Variants in SLC39A8 observed in about 807,000 individuals in gnomAD.
SLC39A8 encodes metal cation symporter ZIP8.
A neutral mutation model predicts 40.4 loss-of-function variants in SLC39A8; 15 were observed. The ratio of observed to expected loss-of-function variants is 0.37; its 90% CI spans 0.25 to 0.57. The LOEUF is 0.57. Ranked by LOEUF, SLC39A8 falls within the 20% of genes least tolerant of loss-of-function variation. The probability of loss-of-function intolerance (pLI) is 0.75; values close to 1 mark genes in which losing one functional copy is unlikely to be tolerated. For synonymous variants in SLC39A8, 223 were observed against 221.6 expected, an observed-to-expected ratio of 1.01 and a Z score of -0.06; for missense variants, 472 against 558.8, an observed-to-expected ratio of 0.84 and a Z score of 1.57.
chr4:102,301,079 G>C (rs1027527881), intron 6 of SLC39A8, among the ~76,000 whole-genome samples: 1 of 151,948 alleles, frequency 6.6e-6, no homozygotes, highest in Non-Finnish European at 1.5e-5. Context: ...ACCCTGGCAC[G>C]CACCTTCTCT....
At chr4:102,306,196 T>A (rs140321590) in intron 4 of SLC39A8, among the ~76,000 whole-genome samples, 73 of 152,132 alleles carry the variant, frequency 4.8e-4, no homozygotes, top group South Asian at 1.2e-3. Flanking sequence ...CTTAACATCA[T>A]CAATGTAGAG....
At chr4:102,308,662 CAG>C (rs1212998947) in intron 3 of SLC39A8, among the ~76,000 whole-genome samples, 2 of 152,056 alleles carry the variant, frequency 1.3e-5, no homozygotes, top group African/African-American at 4.8e-5. Flanking sequence ...TACAGTGTGA[CAG>C]AGGAGAAAGC....
intron 2 of SLC39A8, among the ~76,000 whole-genome samples, chr4:102,327,596 AATGTGTGCTT>A (rs1246040211): frequency 3.3e-5 from 5 of 152,206 alleles, no homozygotes; most frequent in Non-Finnish European, 5.9e-5. Flanking sequence ...TTTAGCACTT[AATGTGTGCTT>A]CCATGTATTA....
In SLC39A8 at chr4:102,304,302, G is replaced by T. The variant is rs753522816; in HGVS notation, c.840+15C>A. ...GAATGCAGTATAATGAAGGAAAAAT[G>T]GAATTAACATATACCTGTAGAGATA... On this transcript the variant is annotated intron_variant, in intron 6 of 8. Transcript: ENST00000356736. The T allele has an allele frequency of 1.3e-6, 2 of 1,596,428 alleles. No individual in the cohort carries two copies. Among genetic ancestry groups the T allele is most frequent in the South Asian group, 1.1e-5 (1 of 89,960 alleles).
exon 12 of SLC39A8, chr4:102,253,315 C>T (rs923219452): frequency 1.8e-5 from 11 of 602,528 alleles, no homozygotes; most frequent in South Asian, 4.5e-5. Flanking sequence ...CACAGCATCA[C>T]GTCTCAATGG....
intron 6 of SLC39A8, among the ~76,000 whole-genome samples, chr4:102,279,164 T>A (rs1379622045): frequency 6.6e-6 from 1 of 151,818 alleles, no homozygotes; most frequent in African/African-American, 2.4e-5. Context: ...AAAAAAGAAT[T>A]CTTGCCTCCT....
chr4:102,338,162 C>G (rs924550085), intron 2 of SLC39A8, among the ~76,000 whole-genome samples: 37 of 149,944 alleles, frequency 2.5e-4, no homozygotes, highest in Non-Finnish European at 5.9e-5. Flanking sequence ...TCCATAGTCA[C>G]TTTTCACAGT....
At chr4:102,310,495 A>G (rs914243940) in intron 3 of SLC39A8, among the ~76,000 whole-genome samples, 1 of 152,136 alleles carries the variant, frequency 6.6e-6, no homozygotes, top group Non-Finnish European at 1.5e-5. Flanking sequence ...CCCCATTTCA[A>G]GGTGCAGCAG....
At chr4:102,277,539 A>G (rs1232931429) in intron 6 of SLC39A8, among the ~76,000 whole-genome samples, 16 of 152,240 alleles carry the variant, frequency 1.1e-4, no homozygotes, top group African/African-American at 3.6e-4. Context: ...AAAAGAATCA[A>G]TATCATGAAA....
At chr4:102,334,306 G>A (rs954932533) in intron 2 of SLC39A8, among the ~76,000 whole-genome samples, 2 of 152,176 alleles carry the variant, frequency 1.3e-5, no homozygotes, top group African/African-American at 4.8e-5. Flanking sequence ...TGGTCTCCCA[G>A]AAAAATCTGG....
chr4:102,300,847 A>G (rs1733894864), intron 6 of SLC39A8, among the ~76,000 whole-genome samples: 2 of 152,052 alleles, frequency 1.3e-5, no homozygotes, highest in South Asian at 4.1e-4. Flanking sequence ...ATATTGTAAT[A>G]CTTACTCTCT....
chr4:102,283,360 T>C (rs796491785), intron 6 of SLC39A8, among the ~76,000 whole-genome samples: 5 of 152,330 alleles, frequency 3.3e-5, no homozygotes, highest in African/African-American at 7.2e-5. Flanking sequence ...CTCAAGAGAA[T>C]TGAGTTTTTC....
At chr4:102,328,825 A>AC (rs1735327432) in intron 2 of SLC39A8, among the ~76,000 whole-genome samples, 1 of 152,094 alleles carries the variant, frequency 6.6e-6, no homozygotes, top group Non-Finnish European at 1.5e-5. Flanking sequence ...GGAGATCGAG[A>AC]CCATCCTGGT....
Position 102,264,974 on chromosome 4 carries a change from A to C in SLC39A8, c.1234-1781T>G, listed in dbSNP as rs528293460. ...CTGGTTTGATCTTTCTATCCATACC[A>C]CGTAAATTTTATTCATGTCAGCAAT... On this transcript the variant is annotated intron_variant, in intron 8 of 8. Coordinates refer to ENST00000356736, the MANE Select transcript of SLC39A8 (RefSeq NM_001135146.2). Among the ~76,000 whole-genome samples the C allele has an allele frequency of 1.4e-3, 216 of 152,320 alleles. 1 individual carries two copies. The highest frequency in any genetic ancestry group is 2.3e-3 in the Admixed American group (35 of 15,298).
Position 102,344,814 on chromosome 4 carries a change from C to G in SLC39A8, c.-152G>C. 1 of 1,320,598 alleles carries G rather than the reference C, an allele frequency of 7.6e-7. No individual in the cohort carries two copies. The allele number at this position is 1,320,598 out of a possible 1,614,324, so 81.8% of individuals were successfully genotyped here. The stretch of plus-strand genomic sequence containing the variant: ...GCGCGGGACGCCCCTGGTTCTCCGA[C>G]GCCTTCGAAAGAACAGCAGCTCGCG... On this transcript the variant is annotated 5_prime_UTR_variant, in exon 2 of 9. Coordinates refer to ENST00000356736, the MANE Select transcript of SLC39A8 (RefSeq NM_001135146.2).
intron 2 of SLC39A8, among the ~76,000 whole-genome samples, chr4:102,322,973 C>T (rs771414709): frequency 1.3e-5 from 2 of 152,180 alleles, no homozygotes; most frequent in Admixed American, 6.5e-5. Flanking sequence ...CTCTACCCTG[C>T]GCTGCCCTGC....
At chr4:102,304,645 T>C (rs1734072984) in intron 5 of SLC39A8, among the ~76,000 whole-genome samples, 164 bp from the exon 6 acceptor site, 1 of 151,970 alleles carries the variant, frequency 6.6e-6, no homozygotes, top group Non-Finnish European at 1.5e-5. Context: ...TTTTTACATG[T>C]ATTTTCATTT....
At chr4:102,324,300 C>G in intron 2 of SLC39A8, 1 of 295,594 alleles carries the variant, frequency 3.4e-6, no homozygotes, top group Non-Finnish European at 6.9e-6. Context: ...AAGGCTGAGG[C>G]AGGAGAATCG....
intron 2 of SLC39A8, among the ~76,000 whole-genome samples, chr4:102,320,853 A>G (rs1734936103): frequency 6.6e-6 from 1 of 150,426 alleles, no homozygotes; most frequent in Non-Finnish European, 1.5e-5. Context: ...CCCTATTGCA[A>G]TGTTTCCTGA....
Sources: allele counts gnomAD v4.1 joint callset (sites outside exome capture counted in the v4.1 genomes callset), GRCh38; gene constraint gnomAD v4.1.1; transcripts MANE v1.5; gene names NCBI Gene and HGNC (gene_info 2026-07-23, HGNC 2026-07-21).